Variants in HTR7 observed in about 807,000 individuals in gnomAD.
The protein encoded by HTR7 is 5-hydroxytryptamine receptor 7, also known as 5-HT-7.
HTR7 carries 16 observed loss-of-function variants against 34.0 expected under a neutral mutation model. The observed-to-expected ratio is 0.47, with a 90% CI of 0.32 to 0.71. HTR7 has a LOEUF of 0.71. HTR7 is among the 30% of genes least tolerant of loss of function. The pLI, the probability that HTR7 is intolerant of heterozygous loss-of-function variation, is 0.04. For missense variants in HTR7, 504 were observed against 625.5 expected (o/e 0.81, Z 2.07); for synonymous variants, 265 against 260.2 (o/e 1.02, Z -0.18).
intron 1 of HTR7, among the ~76,000 whole-genome samples, chr10:90,773,236 G>A (rs1410739873): frequency 4.6e-5 from 7 of 152,176 alleles, no homozygotes; most frequent in Non-Finnish European, 1.0e-4. Flanking sequence ...TACACTGTGG[G>A]ATAGTCACAA....
rs143560944 is a variant in HTR7, at chr10:90,816,907, T to G, written c.539+40226A>C. Among the ~76,000 whole-genome samples, 397 of 152,352 alleles carry G rather than the reference T, an allele frequency of 2.6e-3. 1 individual carries two copies. The highest frequency in any genetic ancestry group is 9.0e-3 in the African/African-American group (374 of 41,574). ...TGGCCTTTTGGCTTTGGTTTTTAGC[T>G]CTTTTATTGCATAAAAGGTTTTAAA... is the stretch of plus-strand genomic sequence containing the variant. On this transcript the variant is annotated intron_variant, in intron 1 of 3. Coordinates refer to ENST00000336152, the MANE Select transcript of HTR7 (RefSeq NM_019859.4).
chr10:90,818,032 G>A lies in HTR7; in HGVS notation c.539+39101C>T, dbSNP rs148152192. On this transcript the variant is annotated intron_variant, in intron 1 of 3. Transcript: ENST00000336152. ...ATAGACAGAAAGTGAATGGTTGCCT[G>A]GAACTAGAGGACAGAAGTGGGTATA... Among the ~76,000 whole-genome samples the A allele has an allele frequency of 3.8e-3, 574 of 152,278 alleles. 5 individuals are homozygous for A. The highest frequency in any genetic ancestry group is 0.013 in the African/African-American group (530 of 41,532).
chr10:90,799,415 G>C (rs543112997), intron 1 of HTR7, among the ~76,000 whole-genome samples: 1 of 152,144 alleles, frequency 6.6e-6, no homozygotes, highest in Non-Finnish European at 1.5e-5. Flanking sequence ...TAAAAGCCTG[G>C]GGTGAGAGCC....
At chr10:90,778,277 T>G (rs1226621652) in intron 1 of HTR7, among the ~76,000 whole-genome samples, 1 of 152,230 alleles carries the variant, frequency 6.6e-6, no homozygotes, top group South Asian at 2.1e-4. Context: ...TCTGCCCTGA[T>G]GAATGGATTA....
intron 1 of HTR7, among the ~76,000 whole-genome samples, chr10:90,808,586 C>T (rs1031327895): frequency 6.6e-6 from 1 of 152,028 alleles, no homozygotes; most frequent in Non-Finnish European, 1.5e-5. Flanking sequence ...TTCCATGCCC[C>T]GACCTTGTAT....
At chr10:90,807,762 G>A (rs551195977) in intron 1 of HTR7, among the ~76,000 whole-genome samples, 12 of 152,274 alleles carry the variant, frequency 7.9e-5, no homozygotes, top group African/African-American at 2.2e-4. Context: ...ACTCAGATCG[G>A]GGGACCTCCC....
rs963852833 is a variant in HTR7, at chr10:90,844,584, G to A, written c.539+12549C>T. ...ACTAAAAATACAAAAAAAATTAGCC[G>A]GGCGTGGTGGTGGGAGCCTGTAGTC... On this transcript the variant is annotated intron_variant, in intron 1 of 3. Coordinates refer to ENST00000336152, the MANE Select transcript of HTR7 (RefSeq NM_019859.4). Among the ~76,000 whole-genome samples the A allele has an allele frequency of 2.2e-4, 34 of 151,492 alleles. 1 individual carries two copies. The highest frequency in any genetic ancestry group is 6.0e-4 in the African/African-American group (25 of 41,336).
chr10:90,857,380 C>G lies in HTR7; in HGVS notation c.292G>C (p.Gly98Arg). The G allele has an allele frequency of 6.2e-7, 1 of 1,614,086 alleles. No individual in the cohort carries two copies. The highest frequency in any genetic ancestry group is 1.1e-5 in the South Asian group (1 of 91,082). The change falls in exon 1 of 4, where the codon GGC (glycine) becomes CGC (arginine). Residue 98 changes from glycine to arginine, a missense_variant. Transcript: ENST00000336152. This position sits in a 1 kb window ranked among gnomAD's most constrained non-coding sequence, Gnocchi z 6.5. ...ACGGAGATCACCACCAGGCAGTTGC[C>G]CGCGATCGTCAGCAGCGTGATGAGC... ...LTLITLLTIA[G>R]NCLVVISVCF...
At chr10:90,820,005 T>C (rs1704826468) in intron 1 of HTR7, among the ~76,000 whole-genome samples, 2 of 152,232 alleles carry the variant, frequency 1.3e-5, no homozygotes, top group Admixed American at 1.3e-4. Context: ...TTGCATTTTA[T>C]TAATCATAAC....
chr10:90,760,106 A>G (rs560150505), intron 1 of HTR7, among the ~76,000 whole-genome samples: 1 of 152,336 alleles, frequency 6.6e-6, no homozygotes, highest in East Asian at 1.9e-4. Context: ...TATTGAATCA[A>G]CCTAGGTGTC....
chr10:90,805,769 AT>A (rs1017500664), intron 1 of HTR7, among the ~76,000 whole-genome samples: 1 of 152,210 alleles, frequency 6.6e-6, no homozygotes, highest in African/African-American at 2.4e-5. Flanking sequence ...TGTGTATGTG[AT>A]GTTTCACTAC....
In HTR7 at chr10:90,814,261, C is replaced by T. The variant is rs549172921; in HGVS notation, c.539+42872G>A. Among the ~76,000 whole-genome samples, 66 of 152,288 alleles carry T rather than the reference C, an allele frequency of 4.3e-4. No homozygotes were observed. In the South Asian group the frequency reaches 0.013, roughly 30 times the overall value. On this transcript the variant is annotated intron_variant, in intron 1 of 3. Coordinates refer to ENST00000336152, the MANE Select transcript of HTR7 (RefSeq NM_019859.4). ...TGCAGCTGCTGATGTGCTTCATCTA[C>T]AAGCCATGAGGGACTCACTTTATGA...
chr10:90,826,348 G>T (rs11498506), intron 1 of HTR7, among the ~76,000 whole-genome samples: 114 of 152,058 alleles, frequency 7.5e-4, no homozygotes, highest in African/African-American at 2.5e-3. Context: ...ACAAGTAAAC[G>T]GAATTTTTTC....
chr10:90,796,689 G>T (rs148505668), intron 1 of HTR7, among the ~76,000 whole-genome samples: 1 of 152,120 alleles, frequency 6.6e-6, no homozygotes, highest in Non-Finnish European at 1.5e-5. Context: ...TCCAGCCTGC[G>T]TGACACAGCA....
chr10:90,845,596 T>C (rs965572808), intron 1 of HTR7, among the ~76,000 whole-genome samples: 2 of 152,220 alleles, frequency 1.3e-5, no homozygotes, highest in Non-Finnish European at 1.5e-5. Flanking sequence ...ATGTGTCAAG[T>C]GTCTAGAAAC....
chr10:90,792,098 A>C (rs183642711), intron 1 of HTR7, among the ~76,000 whole-genome samples: 1 of 152,312 alleles, frequency 6.6e-6, no homozygotes, highest in East Asian at 1.9e-4. Flanking sequence ...AACATGAAAA[A>C]TTTTAAAAAC....
Position 90,761,271 on chromosome 10 carries a change from G to A in HTR7, c.540-11677C>T, listed in dbSNP as rs143321945. Among the ~76,000 whole-genome samples the A allele has an allele frequency of 1.9e-3, 285 of 152,154 alleles. 1 individual carries two copies. The highest frequency in any genetic ancestry group is 3.6e-3 in the Non-Finnish European group (242 of 67,988). ...TTTTTTATAATTGAATTTTCATAAT[G>A]AGCACAGACAGTTTTCAAAAAATTA... On this transcript the variant is annotated intron_variant, in intron 1 of 3. Transcript: ENST00000336152.
At chr10:90,804,885 AG>A (rs1232313630) in intron 1 of HTR7, among the ~76,000 whole-genome samples, 1 of 152,204 alleles carries the variant, frequency 6.6e-6, no homozygotes, top group Non-Finnish European at 1.5e-5. Context: ...GACCAAAAGA[AG>A]GGGAGGAATT....
intron 1 of HTR7, among the ~76,000 whole-genome samples, chr10:90,855,697 G>A (rs932511356): frequency 1.3e-5 from 2 of 152,120 alleles, no homozygotes; most frequent in Non-Finnish European, 2.9e-5. Context: ...CTTAACTACT[G>A]TAATTCAGAA....
Sources: gnomAD v4.1 joint callset for allele counts (sites outside exome capture counted in the v4.1 genomes callset) on GRCh38, gnomAD v4.1.1 for gene constraint, Gnocchi (gnomAD v3.1) non-coding constraint, MANE v1.5 for transcripts, NCBI Gene and HGNC (gene_info 2026-07-23, HGNC 2026-07-21) for gene names.